The following MKX variants were observed in gnomAD, a reference collection of about 807,000 sequenced individuals.
MKX encodes the protein mohawk homeobox, also known as homeobox protein Mohawk.
A neutral mutation model predicts 36.0 loss-of-function variants in MKX; 13 were observed. The observed-to-expected ratio is 0.36, with a 90% CI of 0.24 to 0.57. The LOEUF (loss-of-function observed/expected upper bound fraction) is 0.57, where lower values mean the gene tolerates loss of function less well. Ranked by LOEUF, MKX falls within the 20% of genes least tolerant of loss-of-function variation. The pLI, the probability that MKX is intolerant of heterozygous loss-of-function variation, is 0.79. For missense variants in MKX, 458 were observed against 456.4 expected, an observed-to-expected ratio of 1.00 and a Z score of -0.03; for synonymous variants, 176 against 178.3, an observed-to-expected ratio of 0.99 and a Z score of 0.10.
Position 27,744,996 on chromosome 10 carries a change from G to GT in MKX, c.-83+710_-83+711insA, listed in dbSNP as rs1835019709. ...TAGCCTCGGTGATAAGTGTCAAAGA[G>GT]AATTTTCGTGCTTGCAGCCCCTGTT... is the stretch of plus-strand genomic sequence containing the variant. On this transcript the variant is annotated intron_variant, in intron 1 of 6. Transcript: ENST00000419761. The surrounding 1 kb of genome is among the most constrained non-coding windows in gnomAD (Gnocchi z 5.6). 6.6e-6 allele frequency: 1 copy of GT among 152,406 alleles called. No individual in the cohort carries two copies. The highest frequency in any genetic ancestry group is 1.5e-5 in the Non-Finnish European group (1 of 68,196). The allele number at this position is 152,406 out of a possible 1,614,324, so 9.4% of individuals were successfully genotyped here. A position where few individuals can be genotyped will look rare whatever the true frequency, so the allele number is the denominator to read the frequency against.
At position 27,741,332 on chromosome 10, in the gene MKX, G is replaced by A. The variant is rs1834889531; in HGVS notation, c.348+13C>T. On this transcript the variant is annotated intron_variant, in intron 3 of 6. Coordinates refer to ENST00000419761, the MANE Select transcript of MKX (RefSeq NM_173576.3). This position sits in a 1 kb window ranked among gnomAD's most constrained non-coding sequence, Gnocchi z 5.1. The stretch of plus-strand genomic sequence containing the variant: ...CGGGAAAACGGATCAGGGTGTTAAT[G>A]GGTCCTGATTACCTGCACTAGCGTC... 30 of 1,610,932 alleles carry A rather than the reference G, an allele frequency of 1.9e-5. No homozygotes were observed. In the East Asian group the frequency reaches 6.5e-4, roughly 35 times the overall value.
chr10:27,716,863 A>G (rs1279791222), intron 5 of MKX, among the ~76,000 whole-genome samples: 1 of 152,200 alleles, frequency 6.6e-6, no homozygotes, highest in Non-Finnish European at 1.5e-5. Flanking sequence ...GTTCCATGTT[A>G]AAAGGAACTA....
At chr10:27,705,739 T>C (rs1907392) in intron 5 of MKX, among the ~76,000 whole-genome samples, 99,240 of 152,096 alleles carry the variant, frequency 0.65, 35,532 homozygotes, top group Non-Finnish European at 0.8. Flanking sequence ...GCTATCACTA[T>C]TGTTTTTTCT....
intron 5 of MKX, among the ~76,000 whole-genome samples, chr10:27,712,599 G>A (rs147424116): frequency 2.2e-3 from 341 of 152,226 alleles, no homozygotes; most frequent in Non-Finnish European, 4.3e-3. Context: ...GTCCCATGTC[G>A]GGGTGGCCAA....
At chr10:27,724,497 G>A (rs1269565835) in intron 5 of MKX, among the ~76,000 whole-genome samples, 1 of 152,104 alleles carries the variant, frequency 6.6e-6, no homozygotes, top group East Asian at 1.9e-4. Flanking sequence ...TGGAAAAACA[G>A]TTACTGACTC....
rs1338906239 is a variant in MKX at position 27,743,472 on chromosome 10, G to C, written c.-57C>G. 3.4e-6 allele frequency: 5 copies of C among 1,456,602 alleles called. No homozygotes were observed. The highest frequency in any genetic ancestry group is 2.8e-5 in the South Asian group (2 of 70,678). 90.2% of individuals were successfully genotyped at this position (1,456,602 alleles called of 1,614,324 possible). A position where few individuals can be genotyped will look rare whatever the true frequency, so the allele number is the denominator to read the frequency against. Reference sequence around the variant, plus strand: ...CGCAGAGCCTCGGGGCTGGGCCGCCGGGAGCTCCGCAGCGGGGCTCGGCTT... The same window carrying C: ...CGCAGAGCCTCGGGGCTGGGCCGCCCGGAGCTCCGCAGCGGGGCTCGGCTT... On this transcript the variant is annotated 5_prime_UTR_variant, in exon 2 of 7. Transcript: ENST00000419761.
chr10:27,691,217 T>C (rs1836448048), intron 5 of MKX, among the ~76,000 whole-genome samples: 2 of 152,170 alleles, frequency 1.3e-5, no homozygotes, highest in South Asian at 4.1e-4. Context: ...TGAAATTGTC[T>C]GGGGAAGTCT....
intron 5 of MKX, among the ~76,000 whole-genome samples, chr10:27,716,777 C>G (rs1048207473): frequency 6.6e-6 from 1 of 152,150 alleles, no homozygotes. Flanking sequence ...CCCGCTGCCA[C>G]ATGATCTATG....
chr10:27,740,913 C>A (rs1834878343), intron 3 of MKX, among the ~76,000 whole-genome samples: 1 of 152,128 alleles, frequency 6.6e-6, no homozygotes, highest in Non-Finnish European at 1.5e-5. Flanking sequence ...TAATATGGAG[C>A]GTCACACTGC....
At chr10:27,696,673 A>C (rs1458946162) in intron 5 of MKX, among the ~76,000 whole-genome samples, 1 of 152,106 alleles carries the variant, frequency 6.6e-6, no homozygotes, top group Non-Finnish European at 1.5e-5. Flanking sequence ...GAGAGTGAGA[A>C]CGTGCATACC....
rs139770181 is a variant in MKX at position 27,712,946 on chromosome 10, A to C, written c.838+21510T>G. 1.8e-3 allele frequency among the ~76,000 whole-genome samples: 274 copies of C among 152,200 alleles called. 1 individual carries two copies. Among genetic ancestry groups the C allele is most frequent in the African/African-American group, 6.3e-3 (262 of 41,540 alleles). On this transcript the variant is annotated intron_variant, in intron 5 of 6. Coordinates refer to ENST00000419761, the MANE Select transcript of MKX (RefSeq NM_173576.3). ...AGCAAGGCCCTGTCTCTAAAAAAAA[A>C]CAACAATAATAAAGTCATATGAATT...
chr10:27,720,784 T>C lies in MKX; in HGVS notation c.838+13672A>G, dbSNP rs377459219. On this transcript the variant is annotated intron_variant, in intron 5 of 6. Transcript: ENST00000419761. The stretch of plus-strand genomic sequence containing the variant: ...GTTTTGTAGGACCTGGCCAACATGA[T>C]GCAATAAATGGAGAGAGGAAGGAAG... 3.3e-5 allele frequency among the ~76,000 whole-genome samples: 5 copies of C among 152,188 alleles called. No homozygotes were observed. The East Asian group carries it at 7.7e-4, about 23-fold the overall frequency.
rs574883182 is a variant in MKX, at chr10:27,741,723, G to T, written c.189-219C>A. ...TCGATAGGTTTATCTTGAATAGGGGGATACCTTGAACCCAATACCCCAAGG... is the reference window on the plus strand; with the variant it reads ...TCGATAGGTTTATCTTGAATAGGGGTATACCTTGAACCCAATACCCCAAGG... On this transcript the variant is annotated intron_variant, in intron 2 of 6. Transcript: ENST00000419761. This position sits in a 1 kb window ranked among gnomAD's most constrained non-coding sequence, Gnocchi z 5.1. Among the ~76,000 whole-genome samples, 2 of 152,254 alleles carry T rather than the reference G, an allele frequency of 1.3e-5. No homozygotes were observed. Among genetic ancestry groups the T allele is most frequent in the Non-Finnish European group, 2.9e-5 (2 of 68,052 alleles).
At chr10:27,701,599 T>A (rs1196654445) in intron 5 of MKX, among the ~76,000 whole-genome samples, 1 of 145,442 alleles carries the variant, frequency 6.9e-6, no homozygotes, top group Non-Finnish European at 1.5e-5. Context: ...TTATTGTTTT[T>A]AATATTAAAA....
chr10:27,739,562 A>G (rs1357421662), intron 3 of MKX, among the ~76,000 whole-genome samples: 1 of 152,150 alleles, frequency 6.6e-6, no homozygotes, highest in Non-Finnish European at 1.5e-5. Flanking sequence ...TTGTATTTGA[A>G]CTATCATTAC....
chr10:27,687,705 CATAGT>C (rs1836383380), intron 5 of MKX, among the ~76,000 whole-genome samples: 1 of 152,222 alleles, frequency 6.6e-6, no homozygotes, highest in Non-Finnish European at 1.5e-5. Context: ...ACTCATTCAG[CATAGT>C]CCCACTTTCC....
chr10:27,722,876 C>T (rs980300794), intron 5 of MKX, among the ~76,000 whole-genome samples: 7 of 152,082 alleles, frequency 4.6e-5, no homozygotes, highest in South Asian at 2.1e-4. Flanking sequence ...TATGCCTCTA[C>T]GGTTCTTCTC....
At chr10:27,723,216 A>C (rs1430873979) in intron 5 of MKX, among the ~76,000 whole-genome samples, 1 of 152,210 alleles carries the variant, frequency 6.6e-6, no homozygotes, top group Non-Finnish European at 1.5e-5. Context: ...AAAAAAGTGC[A>C]CAGTTAGATA....
chr10:27,678,028 C>T (rs1166439168), intron 5 of MKX, among the ~76,000 whole-genome samples: 1 of 152,236 alleles, frequency 6.6e-6, no homozygotes, highest in Non-Finnish European at 1.5e-5. Flanking sequence ...ATTTACAGAA[C>T]TCTGATATGC....
Sources: gnomAD v4.1 joint callset for allele counts (sites outside exome capture counted in the v4.1 genomes callset) on GRCh38, gnomAD v4.1.1 for gene constraint, Gnocchi (gnomAD v3.1) non-coding constraint, MANE v1.5 for transcripts, NCBI Gene and HGNC (gene_info 2026-07-23, HGNC 2026-07-21) for gene names.